Variants in DAB1 observed in about 807,000 individuals in gnomAD.
DAB1 encodes the protein DAB adaptor protein 1, also known as disabled homolog 1.
A neutral mutation model predicts 64.6 loss-of-function variants in DAB1; 15 were observed. The ratio of observed to expected loss-of-function variants is 0.23; its 90% confidence interval spans 0.16 to 0.36. The LOEUF is 0.36. Among genes scored for constraint, DAB1 ranks in the 10% least tolerant of loss-of-function variants. The pLI, the probability that DAB1 is intolerant of heterozygous loss-of-function variation, is 1.00. For missense variants in DAB1, 596 were observed against 706.7 expected, an observed-to-expected ratio of 0.84 and a Z score of 1.78; for synonymous variants, 235 against 251.9, an observed-to-expected ratio of 0.93 and a Z score of 0.64.
chr1:58,502,370 T>G (rs1645920617), intron 3 of DAB1, among the ~76,000 whole-genome samples: 1 of 152,192 alleles, frequency 6.6e-6, no homozygotes, highest in Non-Finnish European at 1.5e-5. Flanking sequence ...ACTTTGATCT[T>G]TTTCTCTAAT....
chr1:58,253,787 C>T lies in DAB1; in HGVS notation n.309+89565G>A, dbSNP rs529618492. Among the ~76,000 whole-genome samples the T allele has an allele frequency of 2.3e-4, 35 of 152,272 alleles. 1 individual carries two copies. Among genetic ancestry groups the T allele is most frequent in the African/African-American group, 6.5e-4 (27 of 41,556 alleles). ...GGCTCCAAATCTAGGGATCCTTCTACGCTCTGTACCATACATTACCTGGGT... is the reference window on the plus strand; with the variant it reads ...GGCTCCAAATCTAGGGATCCTTCTATGCTCTGTACCATACATTACCTGGGT... On this transcript the variant is annotated intron_variant and non_coding_transcript_variant, in intron 4 of 20. Coordinates refer to the DAB1 transcript ENST00000485760.
At chr1:57,571,591 C>T (rs186545693) in intron 7 of DAB1, among the ~76,000 whole-genome samples, 1 of 152,250 alleles carries the variant, frequency 6.6e-6, no homozygotes, top group East Asian at 1.9e-4. Flanking sequence ...GTGTTTGAGC[C>T]TAGGGCCCTC....
At chr1:57,394,456 G>T (rs945302922) in intron 1 of DAB1, among the ~76,000 whole-genome samples, 1 of 152,216 alleles carries the variant, frequency 6.6e-6, no homozygotes, top group African/African-American at 2.4e-5. Flanking sequence ...TTCAGGTCCT[G>T]AACTAGCTTC....
intron 2 of DAB1, among the ~76,000 whole-genome samples, chr1:57,237,598 C>T (rs1462042251): frequency 6.6e-6 from 1 of 152,162 alleles, no homozygotes; most frequent in African/African-American, 2.4e-5. Context: ...ATACAATAAC[C>T]TAACTAACTA....
At chr1:57,897,756 G>A (rs537164192) in intron 5 of DAB1, among the ~76,000 whole-genome samples, 4 of 152,258 alleles carry the variant, frequency 2.6e-5, no homozygotes, top group African/African-American at 9.6e-5. Flanking sequence ...AGAGGAGGAG[G>A]AGCTTTGGAC....
chr1:58,085,254 T>C (rs1650233418), intron 5 of DAB1, among the ~76,000 whole-genome samples: 1 of 152,320 alleles, frequency 6.6e-6, no homozygotes, highest in South Asian at 2.1e-4. Context: ...AGAAGCTCTT[T>C]ATAAAGCAAG....
Position 57,526,276 on chromosome 1 carries a change from C to T in DAB1, n.625+123316G>A, listed in dbSNP as rs907287462. Among the ~76,000 whole-genome samples, 4 of 152,046 alleles carry T rather than the reference C, an allele frequency of 2.6e-5. No homozygotes were observed. In the South Asian group the frequency reaches 6.2e-4, roughly 24 times the overall value. On this transcript the variant is annotated intron_variant and non_coding_transcript_variant, in intron 7 of 20. Coordinates refer to the DAB1 transcript ENST00000485760. ...ATAAGAAAGAAAGATAATCACTCTG[C>T]CCTTACCTAGTATGGTAGGGACTAT...
intron 7 of DAB1, among the ~76,000 whole-genome samples, chr1:57,646,419 C>T (rs1646191610): frequency 6.6e-6 from 1 of 152,128 alleles, no homozygotes; most frequent in Admixed American, 6.5e-5. Context: ...AGCATGAAAG[C>T]CTTTGAAAGT....
chr1:58,009,401 CAA>C (rs1246581016), intron 5 of DAB1, among the ~76,000 whole-genome samples: 2 of 152,050 alleles, frequency 1.3e-5, no homozygotes, highest in Admixed American at 1.3e-4. Context: ...TACATATTGA[CAA>C]AGGAAAACTG....
chr1:58,270,309 G>A (rs1276241834), intron 4 of DAB1, among the ~76,000 whole-genome samples: 2 of 148,298 alleles, frequency 1.3e-5, no homozygotes, highest in Non-Finnish European at 3.0e-5. Context: ...GTTTTTCTCG[G>A]TTTGTCAAAG....
At chr1:58,064,691 A>T (rs1648731919) in intron 5 of DAB1, among the ~76,000 whole-genome samples, 1 of 111,466 alleles carries the variant, frequency 9.0e-6, no homozygotes, top group African/African-American at 3.4e-5. Flanking sequence ...TTTTTTATTT[A>T]TTTATGTATT....
At chr1:57,121,708 T>A (rs1262407251) in intron 4 of DAB1, among the ~76,000 whole-genome samples, 2 of 152,084 alleles carry the variant, frequency 1.3e-5, no homozygotes, top group South Asian at 2.1e-4. Flanking sequence ...CATTTAAGTC[T>A]TTAATCCATC....
intron 2 of DAB1, among the ~76,000 whole-genome samples, chr1:57,223,969 A>C (rs1281089453): frequency 1.3e-5 from 2 of 152,066 alleles, no homozygotes; most frequent in Non-Finnish European, 2.9e-5. Context: ...TCCAGCCCTT[A>C]CTAGCTAAAT....
chr1:57,321,860 C>A (rs1168530302), intron 1 of DAB1, among the ~76,000 whole-genome samples: 2 of 141,850 alleles, frequency 1.4e-5, no homozygotes, highest in South Asian at 2.2e-4. Flanking sequence ...GCTCATCCAC[C>A]AAATGCATGA....
intron 2 of DAB1, among the ~76,000 whole-genome samples, chr1:57,211,627 T>C (rs1405106887): frequency 6.6e-6 from 1 of 152,164 alleles, no homozygotes; most frequent in African/African-American, 2.4e-5. Flanking sequence ...AAATAAAAAA[T>C]GTTATATGTC....
At chr1:57,121,602 T>C (rs1656671786) in intron 4 of DAB1, among the ~76,000 whole-genome samples, 1 of 152,142 alleles carries the variant, frequency 6.6e-6, no homozygotes, top group Non-Finnish European at 1.5e-5. Context: ...ATTTTAGAAC[T>C]GAATGTGGTT....
In DAB1 at chr1:57,995,179, G is replaced by A. The variant is rs139224135; in HGVS notation, n.388-111017C>T. 4.0e-3 allele frequency among the ~76,000 whole-genome samples: 603 copies of A among 152,232 alleles called. 6 individuals carry two copies. The highest frequency in any genetic ancestry group is 0.014 in the African/African-American group (573 of 41,526). On this transcript the variant is annotated intron_variant and non_coding_transcript_variant, in intron 5 of 20. Coordinates refer to the DAB1 transcript ENST00000485760. The stretch of plus-strand genomic sequence containing the variant: ...TGATTTCAGATGAGCTACTTATAGG[G>A]TACTCAAGTTTTTAAATGCAGGAAC...
intron 7 of DAB1, among the ~76,000 whole-genome samples, chr1:57,459,562 T>G (rs1010271363): frequency 1.3e-5 from 2 of 152,144 alleles, no homozygotes; most frequent in Non-Finnish European, 2.9e-5. Flanking sequence ...TATTCTCTTA[T>G]GAAAAAATAA....
intron 5 of DAB1, among the ~76,000 whole-genome samples, chr1:58,083,644 T>C (rs1650132455): frequency 6.6e-6 from 1 of 152,230 alleles, no homozygotes; most frequent in Admixed American, 6.5e-5. Context: ...GGATTGCTTA[T>C]TCTGTGCTAG....
Sources: allele counts gnomAD v4.1 joint callset (sites outside exome capture counted in the v4.1 genomes callset), GRCh38; gene constraint gnomAD v4.1.1; transcripts MANE v1.5; gene names NCBI Gene and HGNC (gene_info 2026-07-23, HGNC 2026-07-21).